COBL: variants seen among roughly 807,000 people sequenced by gnomAD.
COBL encodes cordon-bleu WH2 repeat protein, also known as protein cordon-bleu.
Under a neutral mutation model 98.8 loss-of-function variants are expected in COBL, and 51 were observed. The observed-to-expected ratio is 0.52, with a 90% CI of 0.41 to 0.65. The LOEUF (loss-of-function observed/expected upper bound fraction) is 0.65. COBL is among the 30% of genes least tolerant of loss of function. The pLI, the probability that COBL is intolerant of heterozygous loss-of-function variation, is 0.00. For synonymous variants in COBL, 634 were observed against 651.7 expected (o/e 0.97, Z 0.41); for missense variants, 1,617 against 1,617.5 (o/e 1.00, Z 0.01).
chr7:51,106,341 T>C (rs943152091), intron 6 of COBL, among the ~76,000 whole-genome samples: 3 of 152,204 alleles, frequency 2.0e-5, no homozygotes, highest in Admixed American at 6.5e-5. Context: ...TGCTTTTATT[T>C]GGTCACTGTA....
In COBL at chr7:51,017,192, T is replaced by C. The variant is rs1461706427; in HGVS notation, c.*359A>G. 2.0e-6 allele frequency: 1 copy of C among 497,642 alleles called. No homozygotes were observed. Among genetic ancestry groups the C allele is most frequent in the African/African-American group, 1.9e-5 (1 of 51,544 alleles). 30.8% of individuals were successfully genotyped at this position (497,642 alleles called of 1,614,324 possible). A position where few individuals can be genotyped will look rare whatever the true frequency, so the allele number is the denominator to read the frequency against. On this transcript the variant is annotated 3_prime_UTR_variant, in exon 13 of 13. Coordinates refer to ENST00000265136, the MANE Select transcript of COBL (RefSeq NM_015198.5). ...CTGTATGTGGTAAAAGTCTCAAAGG[T>C]CCAAAATCAGTCTAAGGCATGATTC...
chr7:51,207,402 GTCTCCC>G (rs940975317), intron 2 of COBL, among the ~76,000 whole-genome samples: 11 of 152,246 alleles, frequency 7.2e-5, no homozygotes, highest in Admixed American at 2.0e-4. Flanking sequence ...AACATTTGCA[GTCTCCC>G]TCTCCCTCTC....
chr7:51,139,846 T>A (rs1181068135), intron 5 of COBL, among the ~76,000 whole-genome samples: 1 of 152,218 alleles, frequency 6.6e-6, no homozygotes, highest in African/African-American at 2.4e-5. Context: ...GCTTAATGCA[T>A]GCAGTCTGGA....
intron 7 of COBL, chr7:51,065,036 T>C (rs1791761170): frequency 3.2e-6 from 2 of 627,472 alleles, no homozygotes; most frequent in Middle Eastern, 5.3e-4. Flanking sequence ...TAGAACTGTG[T>C]GAATAACACT....
chr7:51,246,135 A>G (rs1273748337), intron 1 of COBL, among the ~76,000 whole-genome samples: 1 of 152,232 alleles, frequency 6.6e-6, no homozygotes, highest in Non-Finnish European at 1.5e-5. Context: ...TGAATTTAAA[A>G]CTAAAAAAAT....
rs751483466 is a variant in COBL at position 51,028,082 on chromosome 7, T to G, written c.3014A>C (p.Glu1005Ala). ...TCTGGGCTCAGATGCTGAGCTGGCC[T>G]CCTGGCTACTTGTGCTTTGCTTTCC... ...FSGKQSTSSQ[E>A]ASSASEPRRA... Residue 1005 changes from glutamate to alanine, a missense_variant, in exon 10 of 13, where the codon GAG becomes GCG. Physicochemically the swap from Glu to Ala is moderately radical, Grantham distance 107 (BLOSUM62 -1). Coordinates refer to ENST00000265136, the MANE Select transcript of COBL (RefSeq NM_015198.5). The G allele has an allele frequency of 1.9e-6, 3 of 1,613,798 alleles. No individual in the cohort carries two copies. Among genetic ancestry groups the G allele is most frequent in the Non-Finnish European group, 2.5e-6 (3 of 1,179,882 alleles).
At chr7:51,108,535 A>G (rs542528627) in intron 6 of COBL, among the ~76,000 whole-genome samples, 2 of 152,306 alleles carry the variant, frequency 1.3e-5, no homozygotes, top group East Asian at 3.9e-4. Flanking sequence ...GCTGGCAAAC[A>G]GTTTTGCAAA....
rs190219837 is a variant in COBL, at chr7:51,202,925, C to T, written c.246-9336G>A. Among the ~76,000 whole-genome samples, 476 of 152,206 alleles carry T rather than the reference C, an allele frequency of 3.1e-3. 1 individual carries two copies. The highest frequency in any genetic ancestry group is 5.2e-3 in the Non-Finnish European group (356 of 68,018). ...GCATGGTGGCACGGGCCTGTAATCC[C>T]AGCTACTTGGAAGGCTGAGGCAGGA... On this transcript the variant is annotated intron_variant, in intron 2 of 12. Transcript: ENST00000265136.
intron 1 of COBL, among the ~76,000 whole-genome samples, chr7:51,248,191 T>C (rs1393826400): frequency 6.6e-6 from 1 of 151,952 alleles, no homozygotes; most frequent in African/African-American, 2.4e-5. Context: ...AAGATAAGAG[T>C]TTAATATAAA....
intron 7 of COBL, among the ~76,000 whole-genome samples, chr7:51,061,979 A>T (rs1329476136): frequency 1.3e-5 from 2 of 151,270 alleles, no homozygotes; most frequent in Non-Finnish European, 3.0e-5. Flanking sequence ...ACACACACAC[A>T]CACTCATAAA....
chr7:51,109,099 A>G (rs2128974406), intron 6 of COBL, among the ~76,000 whole-genome samples: 1 of 152,228 alleles, frequency 6.6e-6, no homozygotes, highest in East Asian at 1.9e-4. Flanking sequence ...TGATGGTCAC[A>G]TCCAAAGGTC....
chr7:51,046,659 C>T (rs978625107), intron 7 of COBL, among the ~76,000 whole-genome samples: 1 of 152,050 alleles, frequency 6.6e-6, no homozygotes, highest in Non-Finnish European at 1.5e-5. Flanking sequence ...AACGGAAACT[C>T]AGAACATAAA....
intron 5 of COBL, among the ~76,000 whole-genome samples, chr7:51,171,548 T>A (rs1787878070): frequency 6.6e-6 from 1 of 152,158 alleles, no homozygotes; most frequent in Non-Finnish European, 1.5e-5. Flanking sequence ...ATACATGAAA[T>A]TTTTTAATTG....
intron 1 of COBL, among the ~76,000 whole-genome samples, chr7:51,222,718 G>GA (rs983008135): frequency 2.3e-4 from 34 of 146,646 alleles, no homozygotes; most frequent in Admixed American, 1.4e-4. Context: ...GTTTTCAGGG[G>GA]AAAAAAAAAA....
intron 1 of COBL, among the ~76,000 whole-genome samples, chr7:51,233,708 C>T (rs1316120133): frequency 1.3e-5 from 2 of 152,160 alleles, no homozygotes; most frequent in African/African-American, 2.4e-5. Context: ...AAAATGAACC[C>T]CAACTCCCTT....
intron 1 of COBL, among the ~76,000 whole-genome samples, chr7:51,252,277 T>A (rs1453119750): frequency 6.6e-6 from 1 of 152,240 alleles, no homozygotes; most frequent in Non-Finnish European, 1.5e-5. Context: ...GTTTTTCATA[T>A]ATTCACTGAG....
chr7:51,183,691 A>C (rs1050496563), intron 5 of COBL, among the ~76,000 whole-genome samples: 14 of 152,260 alleles, frequency 9.2e-5, no homozygotes, highest in Non-Finnish European at 1.8e-4. Context: ...ACGAGGCATA[A>C]GCTACAGTTC....
intron 7 of COBL, among the ~76,000 whole-genome samples, chr7:51,083,842 G>A (rs1010042266): frequency 1.3e-5 from 2 of 152,150 alleles, no homozygotes; most frequent in Non-Finnish European, 2.9e-5. Flanking sequence ...CCTCCAGGGC[G>A]GAATCAGGGG....
At chr7:51,136,050 C>T (rs549358855) in intron 6 of COBL, 108 bp downstream of exon 6, 38 of 1,379,836 alleles carry the variant, frequency 2.8e-5, no homozygotes, top group East Asian at 1.2e-4. Flanking sequence ...ACACTCCAGT[C>T]GCTACAGCCA....
Sources: allele counts gnomAD v4.1 joint callset (sites outside exome capture counted in the v4.1 genomes callset), GRCh38; gene constraint gnomAD v4.1.1; transcripts MANE v1.5; gene names NCBI Gene and HGNC (gene_info 2026-07-23, HGNC 2026-07-21).